The following VPS53 variants were observed in gnomAD, a reference collection of about 807,000 sequenced individuals.
VPS53 encodes vacuolar protein sorting-associated protein 53 homolog.
In VPS53, 70 loss-of-function variants were observed where a neutral mutation model predicts 107.0. The observed-to-expected ratio is 0.65, with a 90% CI of 0.54 to 0.80. The LOEUF (loss-of-function observed/expected upper bound fraction) is 0.80, where lower values mean the gene tolerates loss of function less well. Ranked by LOEUF, VPS53 falls within the 30% of genes least tolerant of loss-of-function variation. VPS53 has a pLI of 0.00. For missense variants in VPS53, 917 were observed against 1,049.4 expected, an observed-to-expected ratio of 0.87 and a Z score of 1.74; for synonymous variants, 409 against 393.3, an observed-to-expected ratio of 1.04 and a Z score of -0.47.
At chr17:571,677 C>T (rs1354037515) in intron 13 of VPS53, among the ~76,000 whole-genome samples, 1 of 152,338 alleles carries the variant, frequency 6.6e-6, no homozygotes, top group South Asian at 2.1e-4. Context: ...CGAGTGCCTG[C>T]GATTGCAGGC....
chr17:689,143 A>G (rs375585889), intron 4 of VPS53, among the ~76,000 whole-genome samples: 1 of 152,266 alleles, frequency 6.6e-6, no homozygotes, highest in Non-Finnish European at 1.5e-5. Flanking sequence ...TTATCAATCA[A>G]TGGGCTTCAT....
intron 5 of VPS53, among the ~76,000 whole-genome samples, chr17:660,149 A>T (rs1208159375): frequency 3.3e-5 from 5 of 152,228 alleles, no homozygotes; most frequent in Non-Finnish European, 1.5e-5. Context: ...AGTCAGACAG[A>T]TCTAGGGCTG....
intron 6 of VPS53, among the ~76,000 whole-genome samples, chr17:654,711 T>TG (rs1971108325): frequency 7.9e-6 from 1 of 126,152 alleles, no homozygotes; most frequent in African/African-American, 3.3e-5. Context: ...CACTCCAGCC[T>TG]GGGCGACAGA....
At chr17:689,464 ATTTTTTT>A (rs1184638230) in intron 4 of VPS53, among the ~76,000 whole-genome samples, 2,836 of 111,572 alleles carry the variant, frequency 0.025, 58 homozygotes, top group African/African-American at 0.066. Context: ...TGCTGGACTA[ATTTTTTT>A]TTTTTTTTTT....
chr17:573,111 C>G (rs4968168), intron 13 of VPS53, among the ~76,000 whole-genome samples: 50,487 of 152,112 alleles, frequency 0.33, 10,065 homozygotes, highest in African/African-American at 0.55. Flanking sequence ...AGCATGAGTT[C>G]TAGTCTAACA....
intron 7 of VPS53, among the ~76,000 whole-genome samples, chr17:645,797 C>T (rs912496492): frequency 3.3e-5 from 5 of 150,152 alleles, no homozygotes; most frequent in Non-Finnish European, 7.4e-5. Context: ...GACCGTGTGG[C>T]CACTGCCTCC....
intron 4 of VPS53, among the ~76,000 whole-genome samples, chr17:663,411 G>A (rs1343470197): frequency 6.6e-6 from 1 of 152,156 alleles, no homozygotes; most frequent in Non-Finnish European, 1.5e-5. Flanking sequence ...AAATGCACTG[G>A]ACCGTCCGTG....
intron 12 of VPS53, among the ~76,000 whole-genome samples, chr17:592,457 C>T (rs562120319): frequency 1.1e-3 from 164 of 152,116 alleles, no homozygotes; most frequent in African/African-American, 3.1e-3. Context: ...TGATTTTGCT[C>T]GTTAGTTGAT....
chr17:657,064 C>T (rs906892608), intron 5 of VPS53: 11 of 923,126 alleles, frequency 1.2e-5, no homozygotes, highest in South Asian at 6.5e-5. Flanking sequence ...CAGTGTCGAA[C>T]GTGATGAAAT....
At chr17:625,645 G>C (rs765151394) in intron 10 of VPS53, among the ~76,000 whole-genome samples, 13 of 152,176 alleles carry the variant, frequency 8.5e-5, no homozygotes, top group Non-Finnish European at 1.8e-4. Flanking sequence ...GACTATGCAC[G>C]TGGGGCCGGG....
chr17:543,829 G>GA, intron 17 of VPS53, among the ~76,000 whole-genome samples: 1 of 48,076 alleles, frequency 2.1e-5, no homozygotes, highest in Non-Finnish European at 3.3e-5. Context: ...GGGAGGGAGG[G>GA]AGGGAGGGAG....
chr17:629,778 A>G (rs1969865924), intron 8 of VPS53, among the ~76,000 whole-genome samples: 1 of 145,058 alleles, frequency 6.9e-6, no homozygotes, highest in African/African-American at 2.6e-5. Context: ...AAAGAAAAGA[A>G]AAGAAAACTA....
chr17:654,812 C>G (rs967138335), intron 6 of VPS53, among the ~76,000 whole-genome samples: 18 of 152,052 alleles, frequency 1.2e-4, no homozygotes, highest in African/African-American at 4.3e-4. Flanking sequence ...CTACCACCAC[C>G]TGGTTTTACC....
At chr17:707,989 T>C (rs899122949) in intron 2 of VPS53, among the ~76,000 whole-genome samples, 1 of 152,208 alleles carries the variant, frequency 6.6e-6, no homozygotes, top group South Asian at 2.1e-4. Flanking sequence ...CCTGTGAGTC[T>C]CTGCTCACTG....
intron 19 of VPS53, among the ~76,000 whole-genome samples, chr17:522,123 G>C (rs1908809456): frequency 6.6e-6 from 1 of 151,970 alleles, no homozygotes; most frequent in Non-Finnish European, 1.5e-5. Flanking sequence ...GCGTGGGGGT[G>C]CGCATCTGTG....
chr17:608,113 T>C (rs758919666), intron 11 of VPS53, among the ~76,000 whole-genome samples: 8 of 152,204 alleles, frequency 5.3e-5, no homozygotes, highest in Non-Finnish European at 1.2e-4. Flanking sequence ...CTTAAAGAGA[T>C]GGCTGCGGGG....
chr17:712,790 T>C (rs2144040107), intron 1 of VPS53, among the ~76,000 whole-genome samples: 1 of 152,260 alleles, frequency 6.6e-6, no homozygotes, highest in African/African-American at 2.4e-5. Context: ...CCAAAAGCTG[T>C]TGAAACAAAC....
At chr17:544,375 C>T (rs1911023284) in intron 17 of VPS53, among the ~76,000 whole-genome samples, 1 of 152,206 alleles carries the variant, frequency 6.6e-6, no homozygotes, top group African/African-American at 2.4e-5. Flanking sequence ...ACGATGGCAA[C>T]ATGCTTGCAA....
intron 13 of VPS53, among the ~76,000 whole-genome samples, chr17:564,695 C>G (rs750868043): frequency 9.9e-5 from 15 of 151,654 alleles, no homozygotes; most frequent in Admixed American, 5.3e-4. Flanking sequence ...CCAGCCTGGG[C>G]AACAGAGCAA....
Sources: gnomAD v4.1 joint callset for allele counts (sites outside exome capture counted in the v4.1 genomes callset) on GRCh38, gnomAD v4.1.1 for gene constraint, MANE v1.5 for transcripts, NCBI Gene and HGNC (gene_info 2026-07-23, HGNC 2026-07-21) for gene names.